The following GLRB variants were observed in gnomAD, a reference collection of about 807,000 sequenced individuals.
GLRB encodes glycine receptor beta.
GLRB carries 33 observed loss-of-function variants against 54.2 expected under a neutral mutation model. That is an observed-to-expected ratio of 0.61 (90% CI 0.46 to 0.81). The LOEUF (loss-of-function observed/expected upper bound fraction) is 0.81, where lower values mean the gene tolerates loss of function less well. Among genes scored for constraint, GLRB ranks in the 40% least tolerant of loss-of-function variants. The probability of loss-of-function intolerance (pLI) is 0.00; values close to 1 mark genes in which losing one functional copy is unlikely to be tolerated. For missense variants in GLRB, 572 were observed against 584.6 expected (o/e 0.98, Z 0.22); for synonymous variants, 209 against 208.2 (o/e 1.00, Z -0.03).
intron 4 of GLRB, among the ~76,000 whole-genome samples, chr4:157,134,606 G>C (rs896909147): frequency 4.6e-5 from 7 of 151,966 alleles, no homozygotes; most frequent in Admixed American, 1.3e-4. Context: ...CTAATATTAG[G>C]CTGAAATAAA....
At chr4:157,142,044 C>T (rs898366836) in intron 7 of GLRB, among the ~76,000 whole-genome samples, 2 of 152,084 alleles carry the variant, frequency 1.3e-5, no homozygotes, top group African/African-American at 2.4e-5. Flanking sequence ...ACTAATTTGA[C>T]TTAGTGATAC....
chr4:157,095,734 A>G (rs1470855902), intron 2 of GLRB, among the ~76,000 whole-genome samples: 1 of 152,166 alleles, frequency 6.6e-6, no homozygotes, highest in Non-Finnish European at 1.5e-5. Context: ...CTCTCTGTGG[A>G]CTGATATGAA....
intron 2 of GLRB, among the ~76,000 whole-genome samples, chr4:157,105,898 A>G (rs975128935): frequency 1.3e-4 from 20 of 152,084 alleles, no homozygotes; most frequent in African/African-American, 4.6e-4. Context: ...TGTATCCTTA[A>G]ATCGAAAGTA....
At chr4:157,129,098 T>C (rs1165381922) in intron 4 of GLRB, among the ~76,000 whole-genome samples, 1 of 151,864 alleles carries the variant, frequency 6.6e-6, no homozygotes, top group East Asian at 1.9e-4. Context: ...TTTATTGCCT[T>C]GAAGAAATGG....
At chr4:157,107,684 C>T (rs752747999) in intron 2 of GLRB, among the ~76,000 whole-genome samples, 4 of 152,064 alleles carry the variant, frequency 2.6e-5, no homozygotes, top group South Asian at 2.1e-4. Context: ...ATAACACAAA[C>T]GTGTGAGGTG....
Position 157,164,329 on chromosome 4 carries a change from G to A in GLRB, c.1198-6103G>A, listed in dbSNP as rs546475554. On this transcript the variant is annotated intron_variant, in intron 9 of 9. Coordinates refer to ENST00000264428, the MANE Select transcript of GLRB (RefSeq NM_000824.5). ...TTATTTCTCCAGGCCAGAAATGGAA[G>A]GAAGATTACCTGAGAGCCTTATGTT... Among the ~76,000 whole-genome samples, 16 of 152,270 alleles carry A rather than the reference G, an allele frequency of 1.1e-4. No individual in the cohort carries two copies. The East Asian group carries it at 3.1e-3, about 29-fold the overall frequency.
At chr4:157,082,252 ACCT>A (rs1242401158) in intron 2 of GLRB, among the ~76,000 whole-genome samples, 1 of 151,936 alleles carries the variant, frequency 6.6e-6, no homozygotes, top group East Asian at 1.9e-4. Flanking sequence ...TCTTTGGGAA[ACCT>A]TTCCTAATCC....
At chr4:157,083,084 G>A (rs1463385066) in intron 2 of GLRB, among the ~76,000 whole-genome samples, 3 of 150,832 alleles carry the variant, frequency 2.0e-5, no homozygotes, top group Admixed American at 6.6e-5. Context: ...TATTTTAATA[G>A]TAAAACTATT....
chr4:157,171,627 G>T lies in GLRB; in HGVS notation c.*899G>T, dbSNP rs185577255. 1.1e-4 allele frequency: 17 copies of T among 152,244 alleles called. 1 individual carries two copies. The East Asian group carries it at 3.1e-3, about 28-fold the overall frequency. 9.4% of individuals were successfully genotyped at this position (152,244 alleles called of 1,614,324 possible). On this transcript the variant is annotated 3_prime_UTR_variant, in exon 10 of 10. Coordinates refer to ENST00000264428, the MANE Select transcript of GLRB (RefSeq NM_000824.5). The stretch of plus-strand genomic sequence containing the variant: ...CAAGGGGAAGTAATAAGTTGAAAAA[G>T]AAATCCATAACTATTAAAAGATTTT...
chr4:157,101,602 T>C (rs1221683859), intron 2 of GLRB, among the ~76,000 whole-genome samples: 1 of 152,180 alleles, frequency 6.6e-6, no homozygotes, highest in African/African-American at 2.4e-5. Flanking sequence ...TTGCCTACTG[T>C]TTTGTGGTGA....
At chr4:157,087,112 G>T (rs937571773) in intron 2 of GLRB, among the ~76,000 whole-genome samples, 1 of 152,084 alleles carries the variant, frequency 6.6e-6, no homozygotes, top group Non-Finnish European at 1.5e-5. Context: ...CTCCATTTAT[G>T]CTTGCTAGTT....
chr4:157,103,590 A>G (rs1735116061), intron 2 of GLRB, among the ~76,000 whole-genome samples: 1 of 152,160 alleles, frequency 6.6e-6, no homozygotes, highest in South Asian at 2.1e-4. Context: ...TGAATTTCCA[A>G]TGGGATTTTG....
chr4:157,079,287 T>C (rs774966683), intron 2 of GLRB, among the ~76,000 whole-genome samples: 5 of 152,188 alleles, frequency 3.3e-5, no homozygotes, highest in Admixed American at 6.5e-5. Context: ...ATAGATAACA[T>C]TTTATTCCAG....
intron 2 of GLRB, among the ~76,000 whole-genome samples, chr4:157,102,345 T>C (rs1735062350): frequency 1.3e-5 from 2 of 152,174 alleles, no homozygotes; most frequent in Non-Finnish European, 2.9e-5. Flanking sequence ...CTCCCCATTT[T>C]CCCTACCCCC....
intron 2 of GLRB, among the ~76,000 whole-genome samples, chr4:157,120,148 C>A (rs184385155): frequency 2.9e-4 from 43 of 146,702 alleles, no homozygotes; most frequent in Non-Finnish European, 5.0e-4. Flanking sequence ...AAACCAAACA[C>A]TGCGTGTTCT....
At chr4:157,143,735 A>G (rs1483085537) in intron 7 of GLRB, 72 bp from the exon 8 acceptor site, 5 of 1,431,514 alleles carry the variant, frequency 3.5e-6, no homozygotes, top group Non-Finnish European at 4.9e-6. Context: ...TACCGTTTCC[A>G]GGTCTGTCAT....
chr4:157,164,655 A>T (rs1737643717), intron 9 of GLRB, among the ~76,000 whole-genome samples: 1 of 152,208 alleles, frequency 6.6e-6, no homozygotes, highest in South Asian at 2.1e-4. Context: ...ACATTAAATT[A>T]AATGTAGTAA....
intron 2 of GLRB, among the ~76,000 whole-genome samples, chr4:157,104,259 T>C (rs988892315): frequency 1.3e-5 from 2 of 152,184 alleles, no homozygotes; most frequent in Admixed American, 6.5e-5. Flanking sequence ...TTTTTAATCA[T>C]GAAAGGATGT....
chr4:157,103,344 T>C (rs924331384), intron 2 of GLRB, among the ~76,000 whole-genome samples: 1 of 152,108 alleles, frequency 6.6e-6, no homozygotes, highest in African/African-American at 2.4e-5. Flanking sequence ...GGGGGTCAGT[T>C]AGTCAATGTC....
Sources: gnomAD v4.1 joint callset for allele counts (sites outside exome capture counted in the v4.1 genomes callset) on GRCh38, gnomAD v4.1.1 for gene constraint, MANE v1.5 for transcripts, NCBI Gene and HGNC (gene_info 2026-07-23, HGNC 2026-07-21) for gene names.